Variants in CFTR observed in about 807,000 individuals in gnomAD.
CFTR encodes the protein cystic fibrosis transmembrane conductance regulator.
Under a neutral mutation model 171.6 loss-of-function variants are expected in CFTR, and 181 were observed. That is an observed-to-expected ratio of 1.05 (90% CI 0.93 to 1.19). The LOEUF (loss-of-function observed/expected upper bound fraction) is 1.19, where lower values mean the gene tolerates loss of function less well. Among genes scored for constraint, CFTR ranks in the 50% most tolerant of loss-of-function variants. The pLI is 0.00. For missense variants in CFTR, 1,968 were observed against 1,734.7 expected, an observed-to-expected ratio of 1.13 and a Z score of -2.39; for synonymous variants, 583 against 608.0, an observed-to-expected ratio of 0.96 and a Z score of 0.60.
chr7:117,496,966 A>G lies in CFTR; in HGVS notation c.54-7287A>G, dbSNP rs767521442. Among the ~76,000 whole-genome samples the G allele has an allele frequency of 3.9e-4, 56 of 145,152 alleles. 1 individual carries two copies. Among genetic ancestry groups the G allele is most frequent in the Non-Finnish European group, 7.4e-4 (49 of 66,008 alleles). On this transcript the variant is annotated intron_variant, in intron 1 of 26. Coordinates refer to ENST00000003084, the MANE Select transcript of CFTR (RefSeq NM_000492.4). ...TGTGGATTTTCTTTTCATTTTCTTGATGGTGTCCTTTGAAGCACAAAAGTA... is the reference window on the plus strand; with the variant it reads ...TGTGGATTTTCTTTTCATTTTCTTGGTGGTGTCCTTTGAAGCACAAAAGTA...
chr7:117,520,349 G>T (rs1798666986), intron 3 of CFTR, among the ~76,000 whole-genome samples: 1 of 139,424 alleles, frequency 7.2e-6, no homozygotes, highest in Non-Finnish European at 1.6e-5. Context: ...TTTGTTTTCT[G>T]CTTTGACATT....
intron 24 of CFTR, among the ~76,000 whole-genome samples, chr7:117,656,725 G>A (rs1271801620): frequency 6.6e-6 from 1 of 152,142 alleles, no homozygotes; most frequent in East Asian, 1.9e-4. Flanking sequence ...CTGGATTGTG[G>A]CAGAATAGGA....
chr7:117,485,734 G>C (rs895083338), intron 1 of CFTR, among the ~76,000 whole-genome samples: 1 of 151,976 alleles, frequency 6.6e-6, no homozygotes, highest in South Asian at 2.1e-4. Flanking sequence ...AAGTTGCAAG[G>C]CTTGTCAACT....
At chr7:117,523,697 A>G (rs571231929) in intron 3 of CFTR, among the ~76,000 whole-genome samples, 24 of 152,308 alleles carry the variant, frequency 1.6e-4, no homozygotes, top group Admixed American at 5.9e-4. Context: ...AATTTTTTAA[A>G]AAGGCATTCC....
rs1380182202 is a variant in CFTR, at chr7:117,592,530, C to A, written c.2363C>A (p.Thr788Lys). 6.6e-7 allele frequency: 1 copy of A among 1,525,990 alleles called. No homozygotes were observed. The highest frequency in any genetic ancestry group is 2.2e-5 in the Admixed American group (1 of 45,746). The allele number at this position is 1,525,990 out of a possible 1,614,324, so 94.5% of individuals were successfully genotyped here. A position where few individuals can be genotyped will look rare whatever the true frequency, so the allele number is the denominator to read the frequency against. The change falls in exon 14 of 27, where the codon ACA becomes AAA. Residue 788 changes from threonine (T) to lysine (K), a missense_variant. Physicochemically the swap from Thr to Lys is moderately conservative, Grantham distance 78 (BLOSUM62 -1). Coordinates refer to ENST00000003084, the MANE Select transcript of CFTR (RefSeq NM_000492.4). The stretch of plus-strand genomic sequence containing the variant: ...GGTCAGAACATTCACCGAAAGACAA[C>A]AGCATCCACACGAAAAGTGTCACTG... ...NQGQNIHRKT[T>K]ASTRKVSLAP...
At chr7:117,596,267 G>A (rs1244995004) in intron 15 of CFTR, among the ~76,000 whole-genome samples, 1 of 152,258 alleles carries the variant, frequency 6.6e-6, no homozygotes, top group African/African-American at 2.4e-5. Context: ...CGAGCCCCAG[G>A]CAGTGAGGGG....
At chr7:117,627,388 TG>T in intron 21 of CFTR, 133 bp from the exon 22 acceptor site, 2 of 927,996 alleles carry the variant, frequency 2.2e-6, no homozygotes. Flanking sequence ...GTTAGTTCAT[TG>T]AAAAGCCCGA....
chr7:117,494,000 G>C (rs968375658), intron 1 of CFTR, among the ~76,000 whole-genome samples: 2 of 152,076 alleles, frequency 1.3e-5, no homozygotes, highest in Admixed American at 6.6e-5. Flanking sequence ...AAAAATTCCA[G>C]AATCGACTGA....
Position 117,587,792 on chromosome 7 carries a change from C to T in CFTR, c.1638C>T (p.Ile546=), listed in dbSNP as rs1476532238. The T allele has an allele frequency of 1.2e-6, 2 of 1,611,678 alleles. No homozygotes were observed. Among genetic ancestry groups the T allele is most frequent in the African/African-American group, 2.7e-5 (2 of 74,968 alleles). ...KDNIVLGEGG[I]TLSGGQRARI... ...ATATAGTTCTTGGAGAAGGTGGAAT[C>T]ACACTGAGTGGAGGTCAACGAGCAA... The change falls in exon 12 of 27, where the codon ATC becomes ATT. Residue 546 remains isoleucine, a synonymous_variant. Transcript: ENST00000003084.
intron 11 of CFTR, 68 bp downstream of exon 11, chr7:117,559,723 T>C: frequency 9.3e-7 from 1 of 1,078,666 alleles, no homozygotes; most frequent in East Asian, 2.4e-5. Context: ...ATTATATATT[T>C]GGCTCCATAT....
At chr7:117,589,936 TG>T (rs1792000684) in intron 12 of CFTR, among the ~76,000 whole-genome samples, 1 of 152,068 alleles carries the variant, frequency 6.6e-6, no homozygotes, top group South Asian at 2.1e-4. Flanking sequence ...GTATAATTTT[TG>T]CCATTGTATT....
chr7:117,566,242 T>G (rs1205086332), intron 11 of CFTR, among the ~76,000 whole-genome samples: 1 of 125,410 alleles, frequency 8.0e-6, no homozygotes. Context: ...AAGACCAGCC[T>G]ACTAAAACAC....
At chr7:117,641,705 T>C (rs1439753175) in intron 22 of CFTR, among the ~76,000 whole-genome samples, 1 of 152,200 alleles carries the variant, frequency 6.6e-6, no homozygotes, top group Admixed American at 6.5e-5. Context: ...GCACTTGATC[T>C]CCTCATGCAG....
intron 11 of CFTR, among the ~76,000 whole-genome samples, chr7:117,569,364 G>C (rs898470016): frequency 1.3e-5 from 2 of 152,134 alleles, no homozygotes; most frequent in African/African-American, 4.8e-5. Flanking sequence ...ATCCGCTTTG[G>C]AGAGGCCAAG....
intron 2 of CFTR, among the ~76,000 whole-genome samples, chr7:117,505,725 G>A (rs555968386): frequency 3.4e-4 from 51 of 152,236 alleles, no homozygotes; most frequent in Admixed American, 9.8e-4. Context: ...TGAGTGAAGG[G>A]GGATAAAAAA....
chr7:117,540,189 T>C lies in CFTR; in HGVS notation c.959T>C (p.Leu320Ser). 1 of 1,614,144 alleles carries C rather than the reference T, an allele frequency of 6.2e-7. No individual in the cohort carries two copies. The highest frequency in any genetic ancestry group is 8.5e-7 in the Non-Finnish European group (1 of 1,179,988). The change falls in exon 8 of 27, where the codon TTA becomes TCA. Residue 320 changes from leucine to serine, a missense_variant. By Grantham distance (145) the Leu-to-Ser change is moderately radical. Coordinates refer to ENST00000003084, the MANE Select transcript of CFTR (RefSeq NM_000492.4). ...TTCTCAGGGTTCTTTGTGGTGTTTTTATCTGTGCTTCCCTATGCACTAATC... is the reference window on the plus strand; with the variant it reads ...TTCTCAGGGTTCTTTGTGGTGTTTTCATCTGTGCTTCCCTATGCACTAATC... ...FFFSGFFVVF[L>S]SVLPYALIKG...
chr7:117,491,624 G>GTTTTCATC (rs1460159857), intron 1 of CFTR, among the ~76,000 whole-genome samples: 1 of 151,888 alleles, frequency 6.6e-6, no homozygotes, highest in East Asian at 1.9e-4. Flanking sequence ...CCTGATCTCT[G>GTTTTCATC]TTTTCATCTT....
rs962313398 is a variant in CFTR at position 117,652,901 on chromosome 7, T to G, written c.3933T>G (p.Ser1311Arg). Residue 1311 changes from serine (S) to arginine (R), a missense_variant, in exon 24 of 27, where the codon AGT becomes AGG. Physicochemically the swap from Ser to Arg is moderately radical, Grantham distance 110. Transcript: ENST00000003084. ...RKNLDPYEQW[S>R]DQEIWKVADE... ...ACTTGGATCCCTATGAACAGTGGAGTGATCAAGAAATATGGAAAGTTGCAG... is the reference window on the plus strand; with the variant it reads ...ACTTGGATCCCTATGAACAGTGGAGGGATCAAGAAATATGGAAAGTTGCAG... The G allele has an allele frequency of 5.0e-6, 8 of 1,606,504 alleles. No homozygotes were observed. In the African/African-American group the frequency reaches 8.0e-5, roughly 16 times the overall value.
chr7:117,504,354 A>T lies in CFTR; in HGVS notation c.155A>T (p.Lys52Ile), dbSNP rs1562882767. 1.3e-6 allele frequency: 2 copies of T among 1,550,748 alleles called. No homozygotes were observed. The highest frequency in any genetic ancestry group is 1.8e-6 in the Non-Finnish European group (2 of 1,122,328). Residue 52 changes from lysine (K) to isoleucine (I), a missense_variant, in exon 2 of 27, where the codon AAA becomes ATA. Coordinates refer to ENST00000003084, the MANE Select transcript of CFTR (RefSeq NM_000492.4). ...GATTCTGCTGACAATCTATCTGAAA[A>T]ATTGGAAAGGTATGTTCATGTACAT... ...SVDSADNLSE[K>I]LEREWDRELA...
Sources: gnomAD v4.1 joint callset for allele counts (sites outside exome capture counted in the v4.1 genomes callset) on GRCh38, gnomAD v4.1.1 for gene constraint, MANE v1.5 for transcripts, NCBI Gene and HGNC (gene_info 2026-07-23, HGNC 2026-07-21) for gene names.